CNTNAP2: variants seen among roughly 807,000 people sequenced by gnomAD.
CNTNAP2 encodes contactin associated protein 2.
A neutral mutation model predicts 155.2 loss-of-function variants in CNTNAP2; 98 were observed. That is an observed-to-expected ratio of 0.63 (90% CI 0.54 to 0.75). The LOEUF (loss-of-function observed/expected upper bound fraction) is 0.75. CNTNAP2 is among the 30% of genes least tolerant of loss of function. CNTNAP2 has a pLI of 0.00. For synonymous variants in CNTNAP2, 651 were observed against 631.2 expected (o/e 1.03, Z -0.47); for missense variants, 1,727 against 1,688.1 (o/e 1.02, Z -0.40).
intron 1 of CNTNAP2, among the ~76,000 whole-genome samples, chr7:146,248,826 C>A (rs577904116): frequency 1.3e-5 from 2 of 152,058 alleles, no homozygotes; most frequent in African/African-American, 4.8e-5. Flanking sequence ...CATGCGCCTC[C>A]GTGTGAAGAG....
At position 147,186,007 on chromosome 7, in the gene CNTNAP2, A is replaced by C. The variant is rs1233391195; in HGVS notation, c.1348+53498A>C. ...GCTAACCACGTGGAACTGTGAGTCC[A>C]TCAAACTCTTTCCTTTATAAATCAC... On this transcript the variant is annotated intron_variant, in intron 8 of 23. Transcript: ENST00000361727. Among the ~76,000 whole-genome samples the C allele has an allele frequency of 2.0e-5, 3 of 152,230 alleles. No homozygotes were observed. The South Asian group carries it at 6.2e-4, about 31-fold the overall frequency.
intron 2 of CNTNAP2, among the ~76,000 whole-genome samples, chr7:146,781,570 A>G (rs1436860950): frequency 1.3e-5 from 2 of 152,098 alleles, no homozygotes; most frequent in Non-Finnish European, 2.9e-5. Context: ...GCTCACACTT[A>G]CATACACATG....
intron 3 of CNTNAP2, among the ~76,000 whole-genome samples, chr7:146,899,176 T>C (rs550394288): frequency 9.2e-5 from 14 of 152,326 alleles, no homozygotes; most frequent in African/African-American, 3.4e-4. Flanking sequence ...CTGCTTTCTC[T>C]TCTTATTCCA....
At chr7:146,918,978 G>T (rs1211294475) in intron 3 of CNTNAP2, among the ~76,000 whole-genome samples, 3 of 152,140 alleles carry the variant, frequency 2.0e-5, no homozygotes, top group African/African-American at 7.2e-5. Flanking sequence ...CCATTGCTGA[G>T]ACTTGCCAGT....
chr7:147,667,800 A>C (rs2116961349), intron 13 of CNTNAP2, among the ~76,000 whole-genome samples: 1 of 149,132 alleles, frequency 6.7e-6, no homozygotes, highest in Admixed American at 7.0e-5. Context: ...TGCTGCAAAA[A>C]AAAAAAATAA....
chr7:147,038,540 C>G (rs1156270352), intron 3 of CNTNAP2, among the ~76,000 whole-genome samples: 1 of 152,166 alleles, frequency 6.6e-6, no homozygotes, highest in Non-Finnish European at 1.5e-5. Context: ...GACTTCCACT[C>G]CTTTGTAATA....
At chr7:146,169,928 C>T (rs1798364753) in intron 1 of CNTNAP2, among the ~76,000 whole-genome samples, 1 of 151,520 alleles carries the variant, frequency 6.6e-6, no homozygotes, top group African/African-American at 2.4e-5. Context: ...ATGAATGTAG[C>T]AATGCAGGTA....
At chr7:146,328,809 T>G (rs762710594) in intron 1 of CNTNAP2, among the ~76,000 whole-genome samples, 1 of 152,212 alleles carries the variant, frequency 6.6e-6, no homozygotes, top group African/African-American at 2.4e-5. Context: ...TGTGCCTGGC[T>G]TATTTCACTC....
chr7:146,250,317 G>A (rs988105286), intron 1 of CNTNAP2, among the ~76,000 whole-genome samples: 2 of 152,194 alleles, frequency 1.3e-5, no homozygotes, highest in African/African-American at 2.4e-5. Context: ...TTGGCCTACA[G>A]AAGGAACGGT....
chr7:147,824,846 T>C (rs749053343), intron 13 of CNTNAP2, among the ~76,000 whole-genome samples: 2 of 152,040 alleles, frequency 1.3e-5, no homozygotes, highest in Non-Finnish European at 2.9e-5. Context: ...TGGGGGACAC[T>C]AGAAACAAAA....
At chr7:148,391,414 A>ACAAAAGACTTACACATTATGATTT (rs1799345706) in intron 22 of CNTNAP2, among the ~76,000 whole-genome samples, 1 of 151,034 alleles carries the variant, frequency 6.6e-6, no homozygotes, top group Non-Finnish European at 1.5e-5. Flanking sequence ...GATGAGGTAA[A>ACAAAAGACTTACACATTATGATTT]CAAAAGACTT....
At chr7:147,147,948 C>A (rs116105245) in intron 8 of CNTNAP2, among the ~76,000 whole-genome samples, 2,689 of 152,218 alleles carry the variant, frequency 0.018, 65 homozygotes, top group African/African-American at 0.06. Flanking sequence ...ATTGCAAACA[C>A]ACACACACCC....
chr7:148,209,674 T>C (rs370903476), intron 18 of CNTNAP2, among the ~76,000 whole-genome samples: 1 of 152,340 alleles, frequency 6.6e-6, no homozygotes, highest in South Asian at 2.1e-4. Context: ...CTATATTCCC[T>C]CTTTTCTCTT....
intron 16 of CNTNAP2, among the ~76,000 whole-genome samples, chr7:148,133,261 A>G (rs961893489): frequency 6.6e-6 from 1 of 152,124 alleles, no homozygotes; most frequent in Non-Finnish European, 1.5e-5. Context: ...CACGAGATCT[A>G]GACCAGCCTG....
At position 147,336,008 on chromosome 7, in the gene CNTNAP2, G is replaced by C. The variant is rs116575743; in HGVS notation, c.1498+35718G>C. Among the ~76,000 whole-genome samples the C allele has an allele frequency of 4.7e-3, 711 of 152,274 alleles. 11 individuals carry two copies. The highest frequency in any genetic ancestry group is 0.016 in the African/African-American group (672 of 41,562). On this transcript the variant is annotated intron_variant, in intron 9 of 23. Transcript: ENST00000361727. ...AAGCAATTAAGTATTTTGTTGCAGA[G>C]AGAATCTGACTGTGTATTGTTTTTC...
chr7:146,508,936 C>T (rs1318856830), intron 1 of CNTNAP2, among the ~76,000 whole-genome samples: 3 of 152,124 alleles, frequency 2.0e-5, no homozygotes, highest in Non-Finnish European at 4.4e-5. Context: ...AGAAGGAGTA[C>T]CTTCCCCCTT....
intron 1 of CNTNAP2, among the ~76,000 whole-genome samples, chr7:146,329,796 A>G (rs536437474): frequency 1.3e-5 from 2 of 152,138 alleles, no homozygotes; most frequent in Non-Finnish European, 2.9e-5. Context: ...ACTTGAAGGC[A>G]TTCTATGTAC....
intron 3 of CNTNAP2, among the ~76,000 whole-genome samples, chr7:147,000,930 G>A (rs561476564): frequency 6.6e-6 from 1 of 152,174 alleles, no homozygotes; most frequent in African/African-American, 2.4e-5. Flanking sequence ...TTGCACTATG[G>A]TGGGTCTAAA....
Position 147,928,116 on chromosome 7 carries a change from C to A in CNTNAP2, c.2255+24395C>A, listed in dbSNP as rs148244776. 2.2e-3 allele frequency among the ~76,000 whole-genome samples: 337 copies of A among 152,268 alleles called. 3 individuals are homozygous for A. Among genetic ancestry groups the A allele is most frequent in the Non-Finnish European group, 4.1e-3 (279 of 68,028 alleles). On this transcript the variant is annotated intron_variant, in intron 14 of 23. Coordinates refer to ENST00000361727, the MANE Select transcript of CNTNAP2 (RefSeq NM_014141.6). ...CCCTTTTGCTTGGCTCTCATTCTAT[C>A]TTGCCTGCCACCATGTAAGATGTGC...
Sources: allele counts gnomAD v4.1 joint callset (sites outside exome capture counted in the v4.1 genomes callset), GRCh38; gene constraint gnomAD v4.1.1; transcripts MANE v1.5; gene names NCBI Gene and HGNC (gene_info 2026-07-23, HGNC 2026-07-21).